CCDC171: variants seen among roughly 807,000 people sequenced by gnomAD.
CCDC171 encodes the protein coiled-coil domain-containing protein 171.
In CCDC171, 177 loss-of-function variants were observed where a neutral mutation model predicts 168.2. The ratio of observed to expected loss-of-function variants is 1.05; its 90% CI spans 0.93 to 1.19. CCDC171 has a LOEUF of 1.19. Among genes scored for constraint, CCDC171 ranks in the 50% most tolerant of loss-of-function variants. The probability of loss-of-function intolerance (pLI) is 0.00; values close to 1 mark genes in which losing one functional copy is unlikely to be tolerated. For synonymous variants in CCDC171, 687 were observed against 540.8 expected (o/e 1.27, Z -3.75); for missense variants, 1,991 against 1,539.0 (o/e 1.29, Z -4.91).
chr9:15,782,380 A>C (rs537642759), intron 20 of CCDC171, among the ~76,000 whole-genome samples: 29 of 152,250 alleles, frequency 1.9e-4, no homozygotes, highest in African/African-American at 5.8e-4. Flanking sequence ...CTGCGTTGCT[A>C]TACTTGCTTG....
chr9:15,703,952 T>C (rs1180187554), intron 11 of CCDC171, among the ~76,000 whole-genome samples: 2 of 152,140 alleles, frequency 1.3e-5, no homozygotes, highest in African/African-American at 2.4e-5. Context: ...ATAATATATA[T>C]AGTAATCATG....
In CCDC171 at chr9:15,706,835, A is replaced by C. The variant is rs2052279978; in HGVS notation, c.1318+11498A>C. Among the ~76,000 whole-genome samples, 3 of 152,114 alleles carry C rather than the reference A, an allele frequency of 2.0e-5. No individual in the cohort carries two copies. In the South Asian group the frequency reaches 6.2e-4, roughly 31 times the overall value. ...GTGTTCTTTTCCTTTTTACTTAGAG[A>C]GGCTGAAGGATCCCAGGAAATAAAA... is the stretch of plus-strand genomic sequence containing the variant. On this transcript the variant is annotated intron_variant, in intron 11 of 25. Transcript: ENST00000380701.
rs564696159 is a variant in CCDC171 at position 16,005,916 on chromosome 9, A to C, written n.369-14673A>C. Among the ~76,000 whole-genome samples the C allele has an allele frequency of 7.9e-5, 12 of 151,870 alleles. No homozygotes were observed. In the South Asian group the frequency reaches 1.9e-3, roughly 24 times the overall value. ...AAGTGCTAGATTGTTTTCTTTTTTT[A>C]TTTTATTTTTTGAGATGGAGTCTCG... is the stretch of plus-strand genomic sequence containing the variant. On this transcript the variant is annotated intron_variant and non_coding_transcript_variant, in intron 3 of 9. Coordinates refer to the CCDC171 transcript ENST00000486641.
chr9:15,638,673 A>G (rs896682042), intron 7 of CCDC171, among the ~76,000 whole-genome samples: 2 of 151,858 alleles, frequency 1.3e-5, no homozygotes, highest in Non-Finnish European at 2.9e-5. Flanking sequence ...TATATATATG[A>G]AACATAAATA....
intron 7 of CCDC171, among the ~76,000 whole-genome samples, chr9:15,654,794 AAGTGGGTGCAGGAC>A (rs1260829850): frequency 4.6e-5 from 7 of 152,194 alleles, no homozygotes; most frequent in East Asian, 3.9e-4. Flanking sequence ...GAGTGTTGGA[AAGTGGGTGCAGGAC>A]AGTGGGTGCA....
the CCDC171 span, among the ~76,000 whole-genome samples, chr9:16,068,043 T>C: frequency 4.6e-5 from 7 of 151,074 alleles, no homozygotes; most frequent in African/African-American, 1.2e-4. Context: ...GACATGATTG[T>C]ATATCTAGAA....
chr9:16,083,242 A>G, the CCDC171 span, among the ~76,000 whole-genome samples: 4 of 152,198 alleles, frequency 2.6e-5, no homozygotes, highest in Non-Finnish European at 4.4e-5. Context: ...TCCTCGCGAT[A>G]ATCCTGGAAG....
chr9:15,805,936 G>C (rs1389473396), intron 21 of CCDC171, among the ~76,000 whole-genome samples: 1 of 152,066 alleles, frequency 6.6e-6, no homozygotes, highest in Non-Finnish European at 1.5e-5. Context: ...GAATCTAGAT[G>C]CTCCTTTATT....
At chr9:15,590,759 C>CTTTCTTTCTT in intron 4 of CCDC171, among the ~76,000 whole-genome samples, 1 of 127,896 alleles carries the variant, frequency 7.8e-6, no homozygotes, top group South Asian at 2.8e-4. Context: ...TTTTTTTCTT[C>CTTTCTTTCTT]TTTCTTTCTT....
intron 11 of CCDC171, among the ~76,000 whole-genome samples, chr9:15,696,896 G>A (rs916432384): frequency 1.3e-5 from 2 of 152,138 alleles, no homozygotes; most frequent in African/African-American, 4.8e-5. Context: ...CAGGGAATGT[G>A]TTCCTGCGAA....
chr9:16,014,802 A>T (rs1589326772), intron 3 of CCDC171, among the ~76,000 whole-genome samples: 1 of 152,194 alleles, frequency 6.6e-6, no homozygotes, highest in African/African-American at 2.4e-5. Flanking sequence ...AGGCTTAAAT[A>T]TTCGGTAAAC....
chr9:15,582,402 C>T (rs1307766635), intron 4 of CCDC171, among the ~76,000 whole-genome samples: 1 of 152,134 alleles, frequency 6.6e-6, no homozygotes, highest in Non-Finnish European at 1.5e-5. Context: ...ACTAGAAATA[C>T]CATTTGACCC....
At chr9:15,696,294 C>T (rs1455097144) in intron 11 of CCDC171, among the ~76,000 whole-genome samples, 2 of 152,176 alleles carry the variant, frequency 1.3e-5, no homozygotes, top group African/African-American at 4.8e-5. Flanking sequence ...CCTTGTGGAT[C>T]TGTAGATTTC....
At chr9:15,658,552 T>C (rs1235504133) in intron 8 of CCDC171, among the ~76,000 whole-genome samples, 1 of 152,150 alleles carries the variant, frequency 6.6e-6, no homozygotes, top group Non-Finnish European at 1.5e-5. Flanking sequence ...GCAGATGTGA[T>C]TTATTTGAGG....
At chr9:16,069,671 G>A in the CCDC171 span, among the ~76,000 whole-genome samples, 1 of 152,224 alleles carries the variant, frequency 6.6e-6, no homozygotes, top group South Asian at 2.1e-4. Flanking sequence ...TGAGGACGAG[G>A]CATTTCTGCC....
chr9:15,904,568 A>G (rs1822231935), intron 24 of CCDC171, among the ~76,000 whole-genome samples: 4 of 152,184 alleles, frequency 2.6e-5, no homozygotes, highest in Admixed American at 2.0e-4. Flanking sequence ...CTGCAAAAAC[A>G]TGCCAAATTG....
chr9:15,777,243 A>G (rs752771580), intron 18 of CCDC171, among the ~76,000 whole-genome samples: 1 of 152,236 alleles, frequency 6.6e-6, no homozygotes, highest in Non-Finnish European at 1.5e-5. Context: ...GTCTGAGAAT[A>G]TAAATAGTAT....
At chr9:15,965,415 G>A (rs1589267006) in intron 25 of CCDC171, among the ~76,000 whole-genome samples, 2 of 152,174 alleles carry the variant, frequency 1.3e-5, no homozygotes, top group Admixed American at 1.3e-4. Context: ...TAATGGTCAA[G>A]CGTATGAATA....
At chr9:15,948,142 A>G (rs1227495280) in intron 25 of CCDC171, among the ~76,000 whole-genome samples, 1 of 151,598 alleles carries the variant, frequency 6.6e-6, no homozygotes, top group Non-Finnish European at 1.5e-5. Context: ...ATGTCCCTAC[A>G]AAGGACATGA....
Sources: allele counts gnomAD v4.1 joint callset (sites outside exome capture counted in the v4.1 genomes callset), GRCh38; gene constraint gnomAD v4.1.1; transcripts MANE v1.5; gene names NCBI Gene and HGNC (gene_info 2026-07-23, HGNC 2026-07-21).